UGT2B11: variants seen among roughly 807,000 people sequenced by gnomAD.
The protein encoded by UGT2B11 is UDP glucuronosyltransferase family 2 member B11.
UGT2B11 carries 49 observed loss-of-function variants against 51.7 expected under a neutral mutation model. The observed-to-expected ratio is 0.95, with a 90% CI of 0.75 to 1.20. UGT2B11 has a LOEUF of 1.20. Among genes scored for constraint, UGT2B11 ranks in the 50% most tolerant of loss-of-function variants. The pLI, the probability that UGT2B11 is intolerant of heterozygous loss-of-function variation, is 0.00. For missense variants in UGT2B11, 810 were observed against 622.1 expected, an observed-to-expected ratio of 1.30 and a Z score of -3.21; for synonymous variants, 273 against 209.0, an observed-to-expected ratio of 1.31 and a Z score of -2.64.
intron 3 of UGT2B11, among the ~76,000 whole-genome samples, chr4:69,207,285 T>A (rs1721895014): frequency 6.6e-6 from 1 of 151,622 alleles, no homozygotes; most frequent in Non-Finnish European, 1.5e-5. Context: ...AAAGCAATCC[T>A]CACAAACTGA....
intron 5 of UGT2B11, among the ~76,000 whole-genome samples, chr4:69,200,940 G>A (rs2109937528): frequency 6.6e-6 from 1 of 151,394 alleles, no homozygotes; most frequent in South Asian, 2.1e-4. Context: ...GGAAGGTCAG[G>A]TGAGAAAGTT....
upstream of UGT2B11, chr4:69,214,957 T>C (rs772957740): frequency 3.2e-5 from 20 of 626,130 alleles, no homozygotes; most frequent in African/African-American, 1.7e-4. Flanking sequence ...CTAAGATTAA[T>C]GACCTTGCAA....
In UGT2B11 at chr4:69,200,159, TA is replaced by T. The variant is rs1243678057; in HGVS notation, c.*280del. On this transcript the variant is annotated 3_prime_UTR_variant, in exon 6 of 6. Coordinates refer to ENST00000446444, the MANE Select transcript of UGT2B11 (RefSeq NM_001073.3). ...TGAATTCAAACAACAAATCTCAATA[TA>T]AGTGCAACAAATTTCAATATGAGCT... The T allele has an allele frequency of 2.3e-5, 6 of 264,092 alleles. No homozygotes were observed. The highest frequency in any genetic ancestry group is 3.3e-5 in the Non-Finnish European group (5 of 149,540). The allele number at this position is 264,092 out of a possible 1,614,324, so 16.4% of individuals were successfully genotyped here. A position where few individuals can be genotyped will look rare whatever the true frequency, so the allele number is the denominator to read the frequency against.
At chr4:69,202,841 A>T (rs868399554) in intron 5 of UGT2B11, among the ~76,000 whole-genome samples, 2 of 151,586 alleles carry the variant, frequency 1.3e-5, no homozygotes, top group African/African-American at 4.8e-5. Context: ...TACATTGATC[A>T]TTCGTTATCC....
the UGT2B11 span, among the ~76,000 whole-genome samples, chr4:69,223,276 G>A: frequency 4.6e-5 from 7 of 151,996 alleles, no homozygotes; most frequent in Non-Finnish European, 2.9e-5. Flanking sequence ...GGGAGTGTCC[G>A]GTTTGGTGCC....
chr4:69,202,517 C>A (rs1220016804), intron 5 of UGT2B11, among the ~76,000 whole-genome samples: 1 of 151,512 alleles, frequency 6.6e-6, no homozygotes, highest in African/African-American at 2.4e-5. Context: ...CACATCACTT[C>A]AAGGAAAGAT....
intron 4 of UGT2B11, 57 bp from the exon 5 acceptor site, chr4:69,204,706 T>A (rs1721785701): frequency 6.2e-7 from 1 of 1,607,478 alleles, no homozygotes; most frequent in South Asian, 1.1e-5. Context: ...AGATGCACAA[T>A]GAAAGGTTCT....
chr4:69,217,011 A>G (rs1238724582), upstream of UGT2B11, among the ~76,000 whole-genome samples: 6 of 152,036 alleles, frequency 3.9e-5, no homozygotes, highest in East Asian at 1.9e-4. Flanking sequence ...TCCTGACATT[A>G]TTTTTCTGAC....
intron 3 of UGT2B11, among the ~76,000 whole-genome samples, chr4:69,207,500 T>G (rs1168375146): frequency 6.6e-6 from 1 of 151,610 alleles, no homozygotes. Context: ...CATCTGAACC[T>G]GTTCCCCTGC....
At chr4:69,208,235 A>T in intron 3 of UGT2B11, 116 bp downstream of exon 3, 1 of 1,545,200 alleles carries the variant, frequency 6.5e-7, no homozygotes, top group Admixed American at 2.1e-5. Context: ...AGCATATTTA[A>T]GGATGTATTT....
At chr4:69,224,478 C>T in the UGT2B11 span, among the ~76,000 whole-genome samples, 38 of 152,194 alleles carry the variant, frequency 2.5e-4, no homozygotes, top group Non-Finnish European at 3.4e-4. Flanking sequence ...AGCCTGACAC[C>T]GGTGTCTTTA....
intron 2 of UGT2B11, 69 bp from the exon 3 acceptor site, chr4:69,208,551 C>T: frequency 6.4e-7 from 1 of 1,561,614 alleles, no homozygotes; most frequent in Non-Finnish European, 8.6e-7. Flanking sequence ...AGAATTGGTA[C>T]CAAATATTAA....
At chr4:69,205,262 C>A (rs1226586847) in intron 4 of UGT2B11, among the ~76,000 whole-genome samples, 3 of 151,544 alleles carry the variant, frequency 2.0e-5, no homozygotes, top group Non-Finnish European at 4.4e-5. Flanking sequence ...TATAATAGCA[C>A]CTGAAATAAA....
chr4:69,218,845 C>T (rs1388517724), upstream of UGT2B11, among the ~76,000 whole-genome samples: 1 of 152,142 alleles, frequency 6.6e-6, no homozygotes, highest in African/African-American at 2.4e-5. Flanking sequence ...ACAAAAGTCC[C>T]TGGATTTTGT....
At chr4:69,219,846 C>T in the UGT2B11 span, among the ~76,000 whole-genome samples, 4 of 152,268 alleles carry the variant, frequency 2.6e-5, no homozygotes, top group African/African-American at 9.6e-5. Flanking sequence ...GGTGAGGGAA[C>T]AGCCAAATCA....
In UGT2B11 at chr4:69,214,708, C is replaced by G; in HGVS notation, c.15G>C (p.Trp5Cys). 6.2e-7 allele frequency: 1 copy of G among 1,612,338 alleles called. No individual in the cohort carries two copies. The highest frequency in any genetic ancestry group is 8.5e-7 in the Non-Finnish European group (1 of 1,178,836). ...GATGTATCAGCAGAAGAACTGAAGT[C>G]CATTTCAGAGTCATCCTGGTGCAAT... The part of the protein sequence containing the change: MTLK[W>C]TSVLLLIHLS... The change falls in exon 1 of 6, where the codon TGG becomes TGC. Residue 5 changes from tryptophan (W) to cysteine (C), a missense_variant. Physicochemically the swap from Trp to Cys is radical, Grantham distance 215. Coordinates refer to ENST00000446444, the MANE Select transcript of UGT2B11 (RefSeq NM_001073.3).
intron 2 of UGT2B11, among the ~76,000 whole-genome samples, chr4:69,211,397 T>C (rs1722058629): frequency 6.6e-6 from 1 of 151,504 alleles, no homozygotes. Context: ...GTCCACAGGG[T>C]ATCTGTCATC....
At chr4:69,218,646 C>G (rs536095913), upstream of UGT2B11, among the ~76,000 whole-genome samples, 1 of 151,840 alleles carries the variant, frequency 6.6e-6, no homozygotes, top group Non-Finnish European at 1.5e-5. Context: ...ATTCAGACAC[C>G]GAGAGAAGGT....
Position 69,214,481 on chromosome 4 carries a change from A to G in UGT2B11, c.242T>C (p.Leu81Ser). The G allele has an allele frequency of 5.6e-6, 9 of 1,613,274 alleles. No homozygotes were observed. Among genetic ancestry groups the G allele is most frequent in the Non-Finnish European group, 7.6e-6 (9 of 1,179,518 alleles). The stretch of plus-strand genomic sequence containing the variant: ...GATATTCTCAAATTCAGTTTTAGTT[A>G]AAGATGTAGGATAAACTTCAAATTT... ...TLKFEVYPTS[L>S]TKTEFENIIM... Residue 81 changes from leucine to serine, a missense_variant, in exon 1 of 6, where the codon TTA (leucine) becomes TCA (serine). Leu to Ser is a moderately radical substitution (Grantham distance 145). Transcript: ENST00000446444.
Sources: gnomAD v4.1 joint callset for allele counts (sites outside exome capture counted in the v4.1 genomes callset) on GRCh38, gnomAD v4.1.1 for gene constraint, MANE v1.5 for transcripts, NCBI Gene and HGNC (gene_info 2026-07-23, HGNC 2026-07-21) for gene names.